The following PDZRN3 variants were observed in gnomAD, a reference collection of about 807,000 sequenced individuals.
PDZRN3 encodes the protein PDZ domain containing ring finger 3.
A neutral mutation model predicts 85.7 loss-of-function variants in PDZRN3; 38 were observed. The ratio of observed to expected loss-of-function variants is 0.44; its 90% CI spans 0.34 to 0.58. PDZRN3 has a LOEUF of 0.58. PDZRN3 is among the 20% of genes least tolerant of loss of function. The probability of loss-of-function intolerance (pLI) is 0.01; values close to 1 mark genes in which losing one functional copy is unlikely to be tolerated. For missense variants in PDZRN3, 1,629 were observed against 1,506.4 expected, an observed-to-expected ratio of 1.08 and a Z score of -1.35; for synonymous variants, 759 against 638.0, an observed-to-expected ratio of 1.19 and a Z score of -2.86.
intron 3 of PDZRN3, among the ~76,000 whole-genome samples, chr3:73,558,090 G>T (rs1183447556): frequency 6.6e-6 from 1 of 150,888 alleles, no homozygotes; most frequent in African/African-American, 2.4e-5. Context: ...TTTTCTTTAG[G>T]AGTGAAAAAA....
intron 3 of PDZRN3, among the ~76,000 whole-genome samples, chr3:73,416,875 GGTTTTT>G (rs1659234490): frequency 4.9e-5 from 2 of 40,744 alleles, no homozygotes; most frequent in African/African-American, 1.4e-4. Context: ...GTTTTTTTTT[GGTTTTT>G]TTTTTTTTTT....
intron 3 of PDZRN3, among the ~76,000 whole-genome samples, chr3:73,487,532 A>G (rs1462545891): frequency 6.6e-6 from 1 of 152,154 alleles, no homozygotes; most frequent in Non-Finnish European, 1.5e-5. Context: ...CAATTGCTTG[A>G]TCCCAGCTAA....
chr3:73,489,201 C>G (rs551571498), intron 3 of PDZRN3, among the ~76,000 whole-genome samples: 1 of 152,076 alleles, frequency 6.6e-6, no homozygotes, highest in Non-Finnish European at 1.5e-5. Flanking sequence ...TATTTCCTTG[C>G]CTGAAAATGC....
chr3:73,608,710 TTTTA>T (rs1452819417), intron 1 of PDZRN3, 26 bp from the exon 2 acceptor site: 8 of 1,433,294 alleles, frequency 5.6e-6, no homozygotes, highest in South Asian at 4.8e-5. Context: ...GAGATCAAAC[TTTTA>T]TTTACCAACA....
At chr3:73,425,404 C>CTAGG (rs1045449662) in intron 3 of PDZRN3, among the ~76,000 whole-genome samples, 3 of 152,054 alleles carry the variant, frequency 2.0e-5, no homozygotes, top group Non-Finnish European at 4.4e-5. Flanking sequence ...CATCCAAAGT[C>CTAGG]TAGGGGTAAA....
chr3:73,445,654 A>G (rs1702732314), intron 3 of PDZRN3, among the ~76,000 whole-genome samples: 1 of 152,260 alleles, frequency 6.6e-6, no homozygotes, highest in African/African-American at 2.4e-5. Flanking sequence ...ACAAATGGCA[A>G]TACTAATTTT....
intron 3 of PDZRN3, among the ~76,000 whole-genome samples, chr3:73,520,050 G>T (rs181105735): frequency 6.6e-6 from 1 of 152,294 alleles, no homozygotes; most frequent in African/African-American, 2.4e-5. Context: ...CTTAAAGCAG[G>T]GGGGAACACA....
Position 73,384,784 on chromosome 3 carries a change from G to A in PDZRN3, c.1782C>T (p.Thr594=), listed in dbSNP as rs138272885. 5.1e-5 allele frequency: 82 copies of A among 1,613,960 alleles called. 2 individuals carry two copies. In the African/African-American group the frequency reaches 8.0e-4, roughly 16 times the overall value. ...SEQENNGDDA[T]ASSNPLAGQR... ...GCCCCGCCAGCGGGTTGGAGGATGC[G>A]GTGGCGTCGTCGCCATTGTTCTCTT... The change falls in exon 10 of 10, where the codon ACC becomes ACT. Residue 594 remains threonine (T), a synonymous_variant. Transcript: ENST00000263666.
intron 3 of PDZRN3, among the ~76,000 whole-genome samples, chr3:73,407,479 T>C (rs976969280): frequency 3.0e-4 from 46 of 152,348 alleles, no homozygotes; most frequent in African/African-American, 1.1e-3. Flanking sequence ...TTGACTTGGA[T>C]ATTAACTACC....
chr3:73,532,157 C>G (rs566475294), intron 3 of PDZRN3, among the ~76,000 whole-genome samples: 1 of 152,024 alleles, frequency 6.6e-6, no homozygotes, highest in Non-Finnish European at 1.5e-5. Flanking sequence ...CCCACCACCA[C>G]GCCCATCTGA....
At position 73,544,290 on chromosome 3, in the gene PDZRN3, C is replaced by T. The variant is rs1376115754; in HGVS notation, c.918+58064G>A. Among the ~76,000 whole-genome samples the T allele has an allele frequency of 2.0e-5, 3 of 152,222 alleles. No individual in the cohort carries two copies. In the East Asian group the frequency reaches 5.8e-4, roughly 29 times the overall value. On this transcript the variant is annotated intron_variant, in intron 3 of 9. Coordinates refer to ENST00000263666, the MANE Select transcript of PDZRN3 (RefSeq NM_015009.3). ...TTTCTTTCTACTGTTATTCTACTCC[C>T]ATGTCCATTATTATATTACACAGAT... is the stretch of plus-strand genomic sequence containing the variant.
chr3:73,500,062 T>C (rs540064391), intron 3 of PDZRN3, among the ~76,000 whole-genome samples: 5 of 152,134 alleles, frequency 3.3e-5, no homozygotes, highest in African/African-American at 9.7e-5. Flanking sequence ...TTGCTTTTTT[T>C]CCCCCACCTT....
chr3:73,603,498 T>C lies in PDZRN3; in HGVS notation c.811-1037A>G, dbSNP rs1034514468. On this transcript the variant is annotated intron_variant, in intron 2 of 9. Coordinates refer to ENST00000263666, the MANE Select transcript of PDZRN3 (RefSeq NM_015009.3). ...GTGATTAACAGATGGATTTATAAAT[T>C]AAATGGCACAAGCATGTGATATTTC... is the stretch of plus-strand genomic sequence containing the variant. Among the ~76,000 whole-genome samples, 3 of 152,310 alleles carry C rather than the reference T, an allele frequency of 2.0e-5. No individual in the cohort carries two copies. In the East Asian group the frequency reaches 5.8e-4, roughly 29 times the overall value.
intron 3 of PDZRN3, among the ~76,000 whole-genome samples, chr3:73,432,813 ATT>A (rs368474683): frequency 4.7e-5 from 7 of 149,994 alleles, no homozygotes; most frequent in African/African-American, 1.5e-4. Context: ...TAGCTGGATT[ATT>A]TTTTTTTTAT....
At chr3:73,423,790 G>A (rs1355965494) in intron 3 of PDZRN3, among the ~76,000 whole-genome samples, 1 of 152,114 alleles carries the variant, frequency 6.6e-6, no homozygotes, top group East Asian at 1.9e-4. Flanking sequence ...TTCAGAATTT[G>A]GGGTAGTGGA....
At chr3:73,513,890 T>C (rs139407203) in intron 3 of PDZRN3, among the ~76,000 whole-genome samples, 1 of 152,318 alleles carries the variant, frequency 6.6e-6, no homozygotes, top group Non-Finnish European at 1.5e-5. Flanking sequence ...GATGACAAAA[T>C]AGAAGAATCT....
intron 3 of PDZRN3, among the ~76,000 whole-genome samples, chr3:73,451,031 C>G (rs966902954): frequency 1.3e-5 from 2 of 152,156 alleles, no homozygotes; most frequent in African/African-American, 4.8e-5. Flanking sequence ...CAATCCTGAC[C>G]TGTAAACTGC....
intron 3 of PDZRN3, among the ~76,000 whole-genome samples, chr3:73,532,900 A>G (rs993188435): frequency 5.3e-5 from 8 of 152,214 alleles, no homozygotes; most frequent in Admixed American, 1.3e-4. Flanking sequence ...CCTTCAGTGT[A>G]GTGACTGCCG....
intron 3 of PDZRN3, among the ~76,000 whole-genome samples, chr3:73,450,693 T>C (rs1304091295): frequency 1.3e-5 from 2 of 152,212 alleles, no homozygotes; most frequent in Non-Finnish European, 2.9e-5. Flanking sequence ...AAAGGCATTT[T>C]TGCATTTCTG....
Sources: allele counts gnomAD v4.1 joint callset (sites outside exome capture counted in the v4.1 genomes callset), GRCh38; gene constraint gnomAD v4.1.1; transcripts MANE v1.5; gene names NCBI Gene and HGNC (gene_info 2026-07-23, HGNC 2026-07-21).